SNTG2: variants seen among roughly 807,000 people sequenced by gnomAD.
SNTG2 encodes the protein gamma-2-syntrophin.
A neutral mutation model predicts 70.9 loss-of-function variants in SNTG2; 74 were observed. The ratio of observed to expected loss-of-function variants is 1.04; its 90% CI spans 0.86 to 1.27. The LOEUF (loss-of-function observed/expected upper bound fraction) is 1.27. Ranked by LOEUF, SNTG2 falls within the 50% of genes most tolerant of loss-of-function variation. The probability of loss-of-function intolerance (pLI) is 0.00; values close to 1 mark genes in which losing one functional copy is unlikely to be tolerated. For synonymous variants in SNTG2, 278 were observed against 273.8 expected, an observed-to-expected ratio of 1.02 and a Z score of -0.15; for missense variants, 717 against 690.7, an observed-to-expected ratio of 1.04 and a Z score of -0.43.
chr2:1,271,063 AG>A (rs1407444738), intron 14 of SNTG2, among the ~76,000 whole-genome samples: 9 of 152,312 alleles, frequency 5.9e-5, no homozygotes, highest in African/African-American at 2.2e-4. Context: ...CTCCATCATC[AG>A]GATAGTAGCT....
intron 4 of SNTG2, among the ~76,000 whole-genome samples, chr2:1,134,115 G>A (rs868686717): frequency 3.3e-5 from 5 of 152,220 alleles, no homozygotes; most frequent in South Asian, 4.2e-4. Flanking sequence ...TTGTGGTCTC[G>A]CTGGCTTCAG....
At chr2:988,646 A>G (rs1385093176) in intron 1 of SNTG2, among the ~76,000 whole-genome samples, 3 of 152,046 alleles carry the variant, frequency 2.0e-5, no homozygotes, top group Admixed American at 2.0e-4. Context: ...GACGCTATAG[A>G]CACGATTTCC....
chr2:1,231,898 G>A (rs974493142), intron 9 of SNTG2, among the ~76,000 whole-genome samples: 3 of 152,178 alleles, frequency 2.0e-5, no homozygotes, highest in Admixed American at 2.0e-4. Flanking sequence ...AATGCAGGAC[G>A]CCCTCTGTGC....
At chr2:1,244,673 G>C (rs1273170380) in intron 11 of SNTG2, among the ~76,000 whole-genome samples, 1 of 136,900 alleles carries the variant, frequency 7.3e-6, no homozygotes, top group Non-Finnish European at 1.5e-5. Context: ...TCCAGCCTGG[G>C]TGACAGAGCG....
chr2:1,297,762 G>T (rs1382087616), intron 14 of SNTG2, among the ~76,000 whole-genome samples: 5 of 152,354 alleles, frequency 3.3e-5, no homozygotes, highest in African/African-American at 9.6e-5. Context: ...GGAAAAGAAG[G>T]TCCAGAAGGC....
chr2:981,379 A>G (rs1457902329), intron 1 of SNTG2, among the ~76,000 whole-genome samples: 3 of 152,086 alleles, frequency 2.0e-5, no homozygotes, highest in African/African-American at 7.2e-5. Flanking sequence ...TGTACACACA[A>G]AAGTATACAA....
At chr2:1,065,352 G>A (rs1663081118) in intron 1 of SNTG2, among the ~76,000 whole-genome samples, 1 of 152,110 alleles carries the variant, frequency 6.6e-6, no homozygotes, top group South Asian at 2.1e-4. Flanking sequence ...TAGTCACAGG[G>A]AACATATTCA....
At chr2:1,218,299 C>T (rs181940037) in intron 9 of SNTG2, among the ~76,000 whole-genome samples, 1 of 152,308 alleles carries the variant, frequency 6.6e-6, no homozygotes, top group Admixed American at 6.5e-5. Flanking sequence ...TTTGCAGAAT[C>T]CCTTCACAGA....
At chr2:1,220,263 A>T (rs1674664681) in intron 9 of SNTG2, among the ~76,000 whole-genome samples, 2 of 152,256 alleles carry the variant, frequency 1.3e-5, no homozygotes, top group African/African-American at 2.4e-5. Context: ...CCAGGAGATC[A>T]GGGCTTGCCC....
At chr2:1,271,624 A>G (rs1327505146) in intron 14 of SNTG2, among the ~76,000 whole-genome samples, 3 of 152,022 alleles carry the variant, frequency 2.0e-5, no homozygotes, top group Non-Finnish European at 4.4e-5. Context: ...CACCTTGCTG[A>G]GTTTTGAGGT....
chr2:1,188,108 A>G lies in SNTG2; in HGVS notation c.591+14925A>G, dbSNP rs184172530. On this transcript the variant is annotated intron_variant, in intron 8 of 16. Transcript: ENST00000308624. Reference sequence around the variant, plus strand: ...TGTGTCCAGTGTCTTAGGTTAAGAAAAAACAGACACAGCGTGCTGAAAACA... The same window carrying G: ...TGTGTCCAGTGTCTTAGGTTAAGAAGAAACAGACACAGCGTGCTGAAAACA... Among the ~76,000 whole-genome samples, 3 of 152,374 alleles carry G rather than the reference A, an allele frequency of 2.0e-5. No homozygotes were observed. The East Asian group carries it at 5.8e-4, about 29-fold the overall frequency.
chr2:967,112 A>G (rs1488618015), intron 1 of SNTG2, among the ~76,000 whole-genome samples: 4 of 152,250 alleles, frequency 2.6e-5, no homozygotes, highest in Admixed American at 2.6e-4. Context: ...AAAAATATAT[A>G]TGAGAAAATA....
At chr2:1,042,288 ACATTTGCCAT>A (rs1199090299) in intron 1 of SNTG2, among the ~76,000 whole-genome samples, 1 of 152,206 alleles carries the variant, frequency 6.6e-6, no homozygotes, top group Non-Finnish European at 1.5e-5. Context: ...CAATTTTGGG[ACATTTGCCAT>A]CATTTTATTG....
At chr2:1,223,593 A>C (rs746415413) in intron 9 of SNTG2, among the ~76,000 whole-genome samples, 1 of 152,208 alleles carries the variant, frequency 6.6e-6, no homozygotes, top group Non-Finnish European at 1.5e-5. Flanking sequence ...ACAACTAAAC[A>C]TGAACCAAAG....
chr2:1,159,819 C>G lies in SNTG2; in HGVS notation c.412-5729C>G, dbSNP rs533384566. ...CTCCCAAGGTGGGCTTGTAATAACG[C>G]AAGATGCAGAGGCCTCTGAAAAGAC... is the stretch of plus-strand genomic sequence containing the variant. On this transcript the variant is annotated intron_variant, in intron 6 of 16. Coordinates refer to ENST00000308624, the MANE Select transcript of SNTG2 (RefSeq NM_018968.4). Among the ~76,000 whole-genome samples, 6 of 152,148 alleles carry G rather than the reference C, an allele frequency of 3.9e-5. No individual in the cohort carries two copies. In the South Asian group the frequency reaches 1.3e-3, roughly 32 times the overall value.
At chr2:1,157,046 C>G (rs889885138) in intron 6 of SNTG2, among the ~76,000 whole-genome samples, 1 of 152,176 alleles carries the variant, frequency 6.6e-6, no homozygotes, top group Non-Finnish European at 1.5e-5. Context: ...CTGCAGGTCC[C>G]TGCATGGATT....
chr2:1,105,723 T>A (rs1429613570), intron 4 of SNTG2, among the ~76,000 whole-genome samples: 1 of 152,164 alleles, frequency 6.6e-6, no homozygotes, highest in East Asian at 1.9e-4. Context: ...GGCCCAGAAA[T>A]CATCCACGAC....
chr2:1,282,094 A>C (rs1679572440), intron 14 of SNTG2, among the ~76,000 whole-genome samples: 4 of 152,204 alleles, frequency 2.6e-5, no homozygotes, highest in African/African-American at 9.6e-5. Flanking sequence ...TATTAAGATC[A>C]TATGGATGTG....
chr2:1,057,171 T>A (rs1371873901), intron 1 of SNTG2, among the ~76,000 whole-genome samples: 1 of 152,082 alleles, frequency 6.6e-6, no homozygotes, highest in East Asian at 1.9e-4. Flanking sequence ...TGTAATGTAT[T>A]TATTCTAAGG....
Sources: allele counts gnomAD v4.1 joint callset (sites outside exome capture counted in the v4.1 genomes callset), GRCh38; gene constraint gnomAD v4.1.1; transcripts MANE v1.5; gene names NCBI Gene and HGNC (gene_info 2026-07-23, HGNC 2026-07-21).